Variants in ADAM9 observed in about 807,000 individuals in gnomAD.
ADAM9 encodes the protein disintegrin and metalloproteinase domain-containing protein 9.
Under a neutral mutation model 108.1 loss-of-function variants are expected in ADAM9, and 54 were observed. The ratio of observed to expected loss-of-function variants is 0.50; its 90% CI spans 0.40 to 0.63. The LOEUF (loss-of-function observed/expected upper bound fraction) is 0.63, where lower values mean the gene tolerates loss of function less well. Ranked by LOEUF, ADAM9 falls within the 20% of genes least tolerant of loss-of-function variation. The pLI is 0.00. For missense variants in ADAM9, 830 were observed against 997.7 expected (o/e 0.83, Z 2.26); for synonymous variants, 316 against 336.0 (o/e 0.94, Z 0.65).
intron 1 of ADAM9, among the ~76,000 whole-genome samples, chr8:39,006,241 A>G (rs1836156774): frequency 6.6e-6 from 1 of 152,208 alleles, no homozygotes; most frequent in South Asian, 2.1e-4. Context: ...GCAAAAGAAA[A>G]CAGATTCTTA....
At chr8:38,997,283 G>A in intron 1 of ADAM9, 123 bp downstream of exon 1, 1 of 1,170,340 alleles carries the variant, frequency 8.5e-7, no homozygotes, top group Non-Finnish European at 1.2e-6. Flanking sequence ...GGGTCGGGGG[G>A]CGCGGCCGCT....
At chr8:39,069,257 A>C (rs1019747835) in intron 14 of ADAM9, among the ~76,000 whole-genome samples, 9 of 152,148 alleles carry the variant, frequency 5.9e-5, no homozygotes, top group Non-Finnish European at 8.8e-5. Context: ...TAAAAAAAAA[A>C]AACTACTTTC....
At chr8:39,001,102 TA>T (rs1203359232) in intron 1 of ADAM9, among the ~76,000 whole-genome samples, 4 of 152,170 alleles carry the variant, frequency 2.6e-5, no homozygotes, top group Admixed American at 6.5e-5. Context: ...TAATCAGTCT[TA>T]TTGAAAGGCT....
chr8:39,096,969 C>G (rs1405143051), intron 20 of ADAM9, among the ~76,000 whole-genome samples: 1 of 151,948 alleles, frequency 6.6e-6, no homozygotes, highest in East Asian at 1.9e-4. Context: ...TTTTTGAATT[C>G]TTTGGTAATT....
In ADAM9 at chr8:39,007,904, A is replaced by T. The variant is rs776525006; in HGVS notation, c.116A>T (p.His39Leu). Residue 39 changes from histidine to leucine, a missense_variant, in exon 2 of 22, where the codon CAT becomes CTT. Physicochemically the swap from His to Leu is moderately conservative, Grantham distance 99. Coordinates refer to ENST00000487273, the MANE Select transcript of ADAM9 (RefSeq NM_003816.3). ...TCTGTAGGCTTTCAACAGACCTCAC[A>T]TCTTTCTTCTTATGAAATTATAACT... ...AARPGFQQTS[H>L]LSSYEIITPW... 1 of 1,612,136 alleles carries T rather than the reference A, an allele frequency of 6.2e-7. No individual in the cohort carries two copies. Among genetic ancestry groups the T allele is most frequent in the Admixed American group, 1.7e-5 (1 of 60,012 alleles).
At chr8:39,090,325 C>T (rs1324907524) in intron 19 of ADAM9, 137 bp downstream of exon 19, 7 of 677,286 alleles carry the variant, frequency 1.0e-5, no homozygotes, top group Non-Finnish European at 1.7e-5. Context: ...GGCACACCAC[C>T]ACACCCAGTT....
rs1243363615 is a variant in ADAM9, at chr8:39,071,410, G to A, written c.1697+7G>A. ...ACAAGAAGTGTGCCACTGGGTAAGT[G>A]GAGGTGCGGTCATAATGGAATATGA... is the stretch of plus-strand genomic sequence containing the variant. On this transcript the variant is annotated splice_region_variant and intron_variant, in intron 15 of 21. Coordinates refer to ENST00000487273, the MANE Select transcript of ADAM9 (RefSeq NM_003816.3). 1 of 1,602,418 alleles carries A rather than the reference G, an allele frequency of 6.2e-7. No homozygotes were observed. The highest frequency in any genetic ancestry group is 1.3e-5 in the African/African-American group (1 of 74,566).
At position 39,017,213 on chromosome 8, in the gene ADAM9, A is replaced by C; in HGVS notation, c.411-6A>C. Reference sequence around the variant, plus strand: ...AAAATTTGTATACGTGTAATGCAACATTCAGAGGATTGCTGCATTTAGAGA... The same window carrying C: ...AAAATTTGTATACGTGTAATGCAACCTTCAGAGGATTGCTGCATTTAGAGA... On this transcript the variant is annotated splice_region_variant and splice_polypyrimidine_tract_variant and intron_variant, in intron 5 of 21. Transcript: ENST00000487273. The C allele has an allele frequency of 6.2e-7, 1 of 1,614,156 alleles. No individual in the cohort carries two copies. The highest frequency in any genetic ancestry group is 8.5e-7 in the Non-Finnish European group (1 of 1,179,998).
intron 20 of ADAM9, among the ~76,000 whole-genome samples, chr8:39,094,791 CCT>C (rs558522094): frequency 1.7e-3 from 263 of 151,652 alleles, no homozygotes; most frequent in Non-Finnish European, 3.3e-3. Flanking sequence ...GATTTTGATT[CCT>C]CTTTCTTTTT....
intron 11 of ADAM9, among the ~76,000 whole-genome samples, chr8:39,029,675 G>A (rs1837038790): frequency 6.6e-6 from 1 of 152,154 alleles, no homozygotes; most frequent in African/African-American, 2.4e-5. Flanking sequence ...CTGTTAACGT[G>A]GTGTTAATAC....
rs750380147 is a variant in ADAM9, at chr8:39,055,678, T to A, written c.1497T>A (p.Ile499=). The A allele has an allele frequency of 6.2e-7, 1 of 1,613,802 alleles. No individual in the cohort carries two copies. Among genetic ancestry groups the A allele is most frequent in the East Asian group, 2.2e-5 (1 of 44,858 alleles). Residue 499 remains isoleucine, a synonymous_variant, in exon 14 of 22, where the codon ATT becomes ATA. Transcript: ENST00000487273. ...AGTTCTGTCAGCCAGATGTTTTTATTCAGAATGGATATCCTTGCCAGAATA... is the reference window on the plus strand; with the variant it reads ...AGTTCTGTCAGCCAGATGTTTTTATACAGAATGGATATCCTTGCCAGAATA... The part of the protein sequence containing the change: ...SSQFCQPDVF[I]QNGYPCQNNK...
chr8:39,004,618 C>T (rs1297921027), intron 1 of ADAM9, among the ~76,000 whole-genome samples: 1 of 152,180 alleles, frequency 6.6e-6, no homozygotes, highest in East Asian at 1.9e-4. Context: ...AATGGCTACT[C>T]CACGAGCAGA....
At position 39,080,256 on chromosome 8, in the gene ADAM9, G is replaced by A. The variant is rs138388547; in HGVS notation, c.1882-2385G>A. Among the ~76,000 whole-genome samples the A allele has an allele frequency of 1.4e-3, 212 of 152,124 alleles. 1 individual carries two copies. Among genetic ancestry groups the A allele is most frequent in the African/African-American group, 4.9e-3 (205 of 41,480 alleles). On this transcript the variant is annotated intron_variant, in intron 16 of 21. Coordinates refer to ENST00000487273, the MANE Select transcript of ADAM9 (RefSeq NM_003816.3). ...GTATCTACTGATTGTTGCAGTGTAA[G>A]CTATACCACTATTACTTCCAAACCC... is the stretch of plus-strand genomic sequence containing the variant.
At chr8:39,088,046 C>T (rs1839230471) in intron 18 of ADAM9, among the ~76,000 whole-genome samples, 1 of 151,986 alleles carries the variant, frequency 6.6e-6, no homozygotes. Context: ...ATATACTATT[C>T]ATTAAGTGGA....
chr8:39,003,550 A>G (rs1836070924), intron 1 of ADAM9, among the ~76,000 whole-genome samples: 1 of 152,020 alleles, frequency 6.6e-6, no homozygotes, highest in Non-Finnish European at 1.5e-5. Flanking sequence ...ACAGGAAAAA[A>G]GAAAAAAACC....
chr8:39,045,909 A>G (rs555568786), intron 12 of ADAM9, among the ~76,000 whole-genome samples: 1 of 151,342 alleles, frequency 6.6e-6, no homozygotes, highest in African/African-American at 2.4e-5. Flanking sequence ...AATGATAGCC[A>G]TTCTGACTAT....
intron 15 of ADAM9, among the ~76,000 whole-genome samples, chr8:39,075,220 C>T (rs768380657): frequency 6.6e-6 from 1 of 152,094 alleles, no homozygotes; most frequent in Non-Finnish European, 1.5e-5. Flanking sequence ...AGCCCAAAAT[C>T]TTAATTGAAT....
intron 18 of ADAM9, 133 bp downstream of exon 18, chr8:39,083,206 T>A (rs1839076325): frequency 1.4e-6 from 1 of 717,538 alleles, no homozygotes; most frequent in South Asian, 1.7e-5. Context: ...CTAAATTCCT[T>A]GTGACTGTTT....
chr8:39,065,791 G>A (rs1054298108), intron 14 of ADAM9, among the ~76,000 whole-genome samples: 14 of 151,042 alleles, frequency 9.3e-5, no homozygotes, highest in Non-Finnish European at 1.9e-4. Flanking sequence ...TAGGGTACAT[G>A]TGCACAACGT....
Sources: gnomAD v4.1 joint callset for allele counts (sites outside exome capture counted in the v4.1 genomes callset) on GRCh38, gnomAD v4.1.1 for gene constraint, MANE v1.5 for transcripts, NCBI Gene and HGNC (gene_info 2026-07-23, HGNC 2026-07-21) for gene names.